TJP1: variants seen among roughly 807,000 people sequenced by gnomAD.
TJP1 encodes tight junction protein ZO-1.
In TJP1, 43 loss-of-function variants were observed where a neutral mutation model predicts 194.2. The observed-to-expected ratio is 0.22, with a 90% confidence interval of 0.17 to 0.29. TJP1 has a LOEUF of 0.29. Ranked by LOEUF, TJP1 falls within the 10% of genes least tolerant of loss-of-function variation. The pLI is 1.00. For synonymous variants in TJP1, 801 were observed against 779.0 expected (o/e 1.03, Z -0.47); for missense variants, 1,971 against 2,185.7 (o/e 0.90, Z 1.96).
At chr15:29,949,050 C>A (rs1378413932) in intron 2 of TJP1, among the ~76,000 whole-genome samples, 1 of 150,582 alleles carries the variant, frequency 6.6e-6, no homozygotes, top group Admixed American at 6.6e-5. Flanking sequence ...ATCACCTCCG[C>A]CACCTCCACC....
intron 2 of TJP1, among the ~76,000 whole-genome samples, chr15:29,941,803 G>C (rs2055089066): frequency 6.6e-6 from 1 of 152,150 alleles, no homozygotes; most frequent in African/African-American, 2.4e-5. Context: ...AGGCAGACAA[G>C]ATGATGACAA....
chr15:29,954,164 G>T (rs1465574759), intron 2 of TJP1, among the ~76,000 whole-genome samples: 4 of 152,106 alleles, frequency 2.6e-5, no homozygotes, highest in Non-Finnish European at 4.4e-5. Flanking sequence ...ATTCTTTCAT[G>T]AAATGAGGGA....
chr15:29,872,181 T>C (rs1039456808), intron 2 of TJP1, among the ~76,000 whole-genome samples: 3 of 152,224 alleles, frequency 2.0e-5, no homozygotes, highest in Non-Finnish European at 4.4e-5. Context: ...CAGTCAGCTC[T>C]GCTTGTTTTT....
chr15:29,761,536 A>G (rs1047891413), intron 7 of TJP1, 65 bp downstream of exon 7: 16 of 1,512,394 alleles, frequency 1.1e-5, no homozygotes, highest in Middle Eastern at 1.8e-4. Flanking sequence ...AAAGATGTTC[A>G]ATCTCCCTAG....
chr15:29,899,124 C>A (rs1305597847), intron 2 of TJP1, among the ~76,000 whole-genome samples: 1 of 152,086 alleles, frequency 6.6e-6, no homozygotes, highest in African/African-American at 2.4e-5. Flanking sequence ...TACATTCAAT[C>A]AGTAGCCCTG....
At chr15:29,842,822 T>C (rs1410887862) in intron 2 of TJP1, among the ~76,000 whole-genome samples, 1 of 152,178 alleles carries the variant, frequency 6.6e-6, no homozygotes, top group Non-Finnish European at 1.5e-5. Flanking sequence ...CCCTTTCTTT[T>C]CCACATAGAA....
Position 29,716,754 on chromosome 15 carries a change from T to C in TJP1, c.4059A>G (p.Glu1353=), listed in dbSNP as rs1433416856. Residue 1353 remains glutamate (E), a synonymous_variant, in exon 23 of 28, where the codon GAA becomes GAG. Transcript: ENST00000614355. ...AGTATGACAGCTGTTTTCGATAATA[T>C]TCTTCATCTTCTTCAGGGTCATAAT... ...SNHYDPEEDE[E]YYRKQLSYFD... 6.2e-7 allele frequency: 1 copy of C among 1,614,192 alleles called. No individual in the cohort carries two copies. The highest frequency in any genetic ancestry group is 1.3e-5 in the African/African-American group (1 of 75,058).
At chr15:29,872,391 G>GA (rs2052557032) in intron 2 of TJP1, among the ~76,000 whole-genome samples, 1 of 152,068 alleles carries the variant, frequency 6.6e-6, no homozygotes, top group Non-Finnish European at 1.5e-5. Flanking sequence ...GACTAGAACA[G>GA]AAAATCAAAA....
At chr15:29,921,735 T>C (rs2054365470) in intron 2 of TJP1, among the ~76,000 whole-genome samples, 2 of 152,184 alleles carry the variant, frequency 1.3e-5, no homozygotes, top group East Asian at 1.9e-4. Context: ...ATTTTAAACA[T>C]AATCAAAAGA....
intron 2 of TJP1, among the ~76,000 whole-genome samples, chr15:29,880,234 T>C (rs1427714988): frequency 1.3e-5 from 2 of 152,194 alleles, no homozygotes; most frequent in African/African-American, 4.8e-5. Context: ...ATAAACATCC[T>C]TGTCCTTGTT....
chr15:29,886,076 ATGCCTGTTCTT>A (rs2053105717), intron 2 of TJP1, among the ~76,000 whole-genome samples: 1 of 152,234 alleles, frequency 6.6e-6, no homozygotes. Flanking sequence ...AATCCAGGCT[ATGCCTGTTCTT>A]TGAGCCAACA....
intron 2 of TJP1, among the ~76,000 whole-genome samples, chr15:29,941,633 G>A (rs1270541658): frequency 6.6e-6 from 1 of 152,090 alleles, no homozygotes; most frequent in Non-Finnish European, 1.5e-5. Context: ...AGTCCTTCCA[G>A]ATCCAGTTTC....
chr15:29,746,750 C>T (rs1595734821), intron 8 of TJP1, among the ~76,000 whole-genome samples: 1 of 152,078 alleles, frequency 6.6e-6, no homozygotes. Context: ...AGTCTCTTTT[C>T]AGGAAAAGGT....
intron 2 of TJP1, among the ~76,000 whole-genome samples, chr15:29,909,676 C>T (rs573938291): frequency 1.3e-5 from 2 of 152,158 alleles, no homozygotes; most frequent in East Asian, 3.9e-4. Context: ...AGACCTGCTG[C>T]AGCCCTTAGG....
chr15:29,898,623 C>T (rs1177835691), intron 2 of TJP1, among the ~76,000 whole-genome samples: 1 of 152,034 alleles, frequency 6.6e-6, no homozygotes, highest in Non-Finnish European at 1.5e-5. Flanking sequence ...GGTGGAGCAC[C>T]CCCAGTCTGA....
intron 8 of TJP1, among the ~76,000 whole-genome samples, chr15:29,744,166 A>G (rs1470841097): frequency 6.6e-6 from 1 of 152,228 alleles, no homozygotes; most frequent in Non-Finnish European, 1.5e-5. Context: ...TGACAGAGCA[A>G]GACTCTGTCT....
At chr15:29,863,554 A>G (rs1223625806) in intron 2 of TJP1, among the ~76,000 whole-genome samples, 1 of 152,096 alleles carries the variant, frequency 6.6e-6, no homozygotes, top group Non-Finnish European at 1.5e-5. Context: ...TGTCACAACC[A>G]CAACACTCCC....
chr15:29,784,117 A>T (rs1348813531), intron 2 of TJP1, among the ~76,000 whole-genome samples: 1 of 152,078 alleles, frequency 6.6e-6, no homozygotes, highest in African/African-American at 2.4e-5. Flanking sequence ...GGAAGAGAAA[A>T]ATTAGTTTAA....
At chr15:29,776,889 A>C (rs1445822508) in intron 2 of TJP1, among the ~76,000 whole-genome samples, 1 of 152,220 alleles carries the variant, frequency 6.6e-6, no homozygotes, top group Non-Finnish European at 1.5e-5. Context: ...TTAGCAACAA[A>C]TACTATCAAG....
Sources: gnomAD v4.1 joint callset for allele counts (sites outside exome capture counted in the v4.1 genomes callset) on GRCh38, gnomAD v4.1.1 for gene constraint, MANE v1.5 for transcripts, NCBI Gene and HGNC (gene_info 2026-07-23, HGNC 2026-07-21) for gene names.